The following IGSF9B variants were observed in gnomAD, a reference collection of about 807,000 sequenced individuals.
IGSF9B encodes the protein protein turtle homolog B.
IGSF9B carries 48 observed loss-of-function variants against 143.7 expected under a neutral mutation model. The ratio of observed to expected loss-of-function variants is 0.33; its 90% confidence interval spans 0.26 to 0.42. The LOEUF (loss-of-function observed/expected upper bound fraction) is 0.42. IGSF9B is among the 20% of genes least tolerant of loss of function. IGSF9B has a pLI of 1.00. For missense variants in IGSF9B, 1,706 were observed against 1,980.0 expected (o/e 0.86, Z 2.63); for synonymous variants, 903 against 833.1 (o/e 1.08, Z -1.44).
rs578229771 is a variant in IGSF9B at position 133,948,370 on chromosome 11, T to C, written c.65-2112A>G. Among the ~76,000 whole-genome samples the C allele has an allele frequency of 2.6e-5, 4 of 152,202 alleles. No homozygotes were observed. Among genetic ancestry groups the C allele is most frequent in the Admixed American group, 2.6e-4 (4 of 15,296 alleles). ...AGTATTTTTGGAGCAGAGCAGAGCA[T>C]TGCACTCACCTGCCTGAGGCCCCAG... On this transcript the variant is annotated intron_variant, in intron 1 of 19. Coordinates refer to ENST00000533871, the MANE Select transcript of IGSF9B (RefSeq NM_001277285.4). This position sits in a 1 kb window ranked among gnomAD's most constrained non-coding sequence, Gnocchi z 4.7.
Position 133,936,207 on chromosome 11 carries a change from G to C in IGSF9B, c.680-13C>G. 1 of 1,604,402 alleles carries C rather than the reference G, an allele frequency of 6.2e-7. No homozygotes were observed. The highest frequency in any genetic ancestry group is 8.5e-7 in the Non-Finnish European group (1 of 1,175,792). On this transcript the variant is annotated splice_polypyrimidine_tract_variant and intron_variant, in intron 5 of 19. Coordinates refer to ENST00000533871, the MANE Select transcript of IGSF9B (RefSeq NM_001277285.4). ...ATGAAAGGGGGCCCTGGGGAGAGCA[G>C]GGAACAAACCCCACCTCGCCTGATC...
chr11:133,952,102 C>T (rs1219374988), intron 1 of IGSF9B: 3 of 453,354 alleles, frequency 6.6e-6, no homozygotes, highest in Non-Finnish European at 1.3e-5. Context: ...CTGGCGCACT[C>T]GGACTCTTTC....
chr11:133,929,920 C>T (rs1040819583), intron 11 of IGSF9B, 138 bp from the exon 12 acceptor site: 19 of 619,006 alleles, frequency 3.1e-5, no homozygotes, highest in Admixed American at 1.9e-4. Flanking sequence ...GGGATGGGGG[C>T]GACGGGGATG....
intron 19 of IGSF9B, among the ~76,000 whole-genome samples, chr11:133,911,098 T>G (rs1939294909): frequency 6.6e-6 from 1 of 152,192 alleles, no homozygotes; most frequent in South Asian, 2.1e-4. Flanking sequence ...TCTACAACAG[T>G]TATCAAAGCT....
At chr11:133,914,712 A>G (rs954288451) in intron 18 of IGSF9B, among the ~76,000 whole-genome samples, 3 of 152,198 alleles carry the variant, frequency 2.0e-5, no homozygotes, top group African/African-American at 7.2e-5. Flanking sequence ...GTGGGAGGAA[A>G]AAACAAAAGC....
intron 18 of IGSF9B, chr11:133,912,391 G>A (rs899759282): frequency 8.6e-6 from 4 of 464,298 alleles, no homozygotes; most frequent in Admixed American, 4.7e-5. Flanking sequence ...CAAGACCTTT[G>A]AATGGAAAGT....
rs117532635 is a variant in IGSF9B, at chr11:133,929,867, G to A, written c.1520-85C>T. 5.4e-3 allele frequency: 4,674 copies of A among 868,622 alleles called. 12 individuals are homozygous for A. Among genetic ancestry groups the A allele is most frequent in the Non-Finnish European group, 7.3e-3 (3,796 of 522,946 alleles). The allele number at this position is 868,622 out of a possible 1,614,324, so 53.8% of individuals were successfully genotyped here. On this transcript the variant is annotated intron_variant, in intron 11 of 19. Transcript: ENST00000533871. ...CACCGTCTGGCTGTGGGGAACCTGA[G>A]AGGCTGAAGCGCATGGCAGCGGAGC...
At chr11:133,918,474 G>T (rs903102065) in intron 18 of IGSF9B, among the ~76,000 whole-genome samples, 2 of 152,126 alleles carry the variant, frequency 1.3e-5, no homozygotes, top group African/African-American at 4.8e-5. Flanking sequence ...GGAAGCAGAT[G>T]AGCTGAGCGC....
At chr11:133,947,449 G>A (rs1310324406) in intron 1 of IGSF9B, among the ~76,000 whole-genome samples, 1 of 152,196 alleles carries the variant, frequency 6.6e-6, no homozygotes, top group East Asian at 1.9e-4. Flanking sequence ...ACTCTCCAGG[G>A]CAGCACCTAG....
chr11:133,953,059 G>A lies in IGSF9B; in HGVS notation c.64+3632C>T, dbSNP rs1246094793. Among the ~76,000 whole-genome samples, 7 of 152,148 alleles carry A rather than the reference G, an allele frequency of 4.6e-5. No homozygotes were observed. The highest frequency in any genetic ancestry group is 1.7e-4 in the African/African-American group (7 of 41,436). ...TCTTGAAGCACCCAGCAGGGCTGAGGAAGAGAGGGCCAAGGAAGAAGACAC... is the reference window on the plus strand; with the variant it reads ...TCTTGAAGCACCCAGCAGGGCTGAGAAAGAGAGGGCCAAGGAAGAAGACAC... On this transcript the variant is annotated intron_variant, in intron 1 of 19. Transcript: ENST00000533871. This position sits in a 1 kb window ranked among gnomAD's most constrained non-coding sequence, Gnocchi z 4.2.
rs764502320 is a variant in IGSF9B, at chr11:133,937,435, G to A, written c.620C>T (p.Thr207Ile). 1.9e-6 allele frequency: 3 copies of A among 1,613,728 alleles called. No individual in the cohort carries two copies. The highest frequency in any genetic ancestry group is 4.5e-5 in the East Asian group (2 of 44,896). The stretch of plus-strand genomic sequence containing the variant: ...CCCCTGAATGCTGTACGCTCGGCAG[G>A]TGTAGGCACCTCTGTCCTCCCGACT... The part of the protein sequence containing the change: ...SVSREDRGAY[T>I]CRAYSIQGEA... Residue 207 changes from threonine to isoleucine, a missense_variant, in exon 5 of 20, where the codon ACC (threonine) becomes ATC (isoleucine). Physicochemically the swap from Thr to Ile is moderately conservative, Grantham distance 89. Coordinates refer to ENST00000533871, the MANE Select transcript of IGSF9B (RefSeq NM_001277285.4).
Position 133,908,259 on chromosome 11 carries a change from G to A in IGSF9B, c.*810C>T, listed in dbSNP as rs574341192. Among the ~76,000 whole-genome samples, 3 of 152,298 alleles carry A rather than the reference G, an allele frequency of 2.0e-5. No homozygotes were observed. The highest frequency in any genetic ancestry group is 1.3e-4 in the Admixed American group (2 of 15,306). ...AGAAAGATGCAGGTCTAGGAGCCTG[G>A]CCACCCCTTCTTCACCCAGGAACCA... On this transcript the variant is annotated 3_prime_UTR_variant, in exon 20 of 20. Transcript: ENST00000533871.
intron 18 of IGSF9B, among the ~76,000 whole-genome samples, chr11:133,917,267 C>A (rs1043065814): frequency 6.6e-6 from 1 of 152,162 alleles, no homozygotes; most frequent in East Asian, 1.9e-4. Flanking sequence ...TGAGAGGGAG[C>A]GAGCTTCGGG....
chr11:133,915,886 C>T (rs976897374), intron 18 of IGSF9B, among the ~76,000 whole-genome samples: 3 of 152,180 alleles, frequency 2.0e-5, no homozygotes, highest in Non-Finnish European at 4.4e-5. Flanking sequence ...CACTCATAGA[C>T]GGGCCATAGC....
rs1272188637 is a variant in IGSF9B at position 133,899,447 on chromosome 11, C to T, written c.*9622G>A. 1 of 152,358 alleles carries T rather than the reference C, an allele frequency of 6.6e-6. No individual in the cohort carries two copies. The highest frequency in any genetic ancestry group is 1.5e-5 in the Non-Finnish European group (1 of 68,116). The allele number at this position is 152,358 out of a possible 1,614,324, so 9.4% of individuals were successfully genotyped here. A position where few individuals can be genotyped will look rare whatever the true frequency, so the allele number is the denominator to read the frequency against. The stretch of plus-strand genomic sequence containing the variant: ...GGAGCAGAAAGGTCACAGGTAGGCA[C>T]TAACATCCCCTCCACACTGTACAAT... On this transcript the variant is annotated 3_prime_UTR_variant, in exon 20 of 20. Transcript: ENST00000533871.
chr11:133,930,768 ACCTC>A (rs1939708505), intron 11 of IGSF9B, among the ~76,000 whole-genome samples: 1 of 151,992 alleles, frequency 6.6e-6, no homozygotes, highest in Admixed American at 6.6e-5. Context: ...CCCCAGAAAG[ACCTC>A]CCTGAGGACA....
chr11:133,952,517 C>T (rs766942566), intron 1 of IGSF9B, among the ~76,000 whole-genome samples: 4 of 152,236 alleles, frequency 2.6e-5, no homozygotes, highest in Non-Finnish European at 4.4e-5. Flanking sequence ...AACTTCCCCA[C>T]CCTGCCACTC....
intron 1 of IGSF9B, among the ~76,000 whole-genome samples, chr11:133,955,314 C>T (rs1481516746): frequency 6.6e-6 from 1 of 152,212 alleles, no homozygotes; most frequent in Non-Finnish European, 1.5e-5. Context: ...TAAAACCGTC[C>T]GGACCAACAT....
chr11:133,945,575 G>C lies in IGSF9B; in HGVS notation c.262+486C>G, dbSNP rs1940032096. Among the ~76,000 whole-genome samples the C allele has an allele frequency of 6.6e-6, 1 of 152,204 alleles. No individual in the cohort carries two copies. Among genetic ancestry groups the C allele is most frequent in the Non-Finnish European group, 1.5e-5 (1 of 68,046 alleles). On this transcript the variant is annotated intron_variant, in intron 2 of 19. Coordinates refer to ENST00000533871, the MANE Select transcript of IGSF9B (RefSeq NM_001277285.4). The surrounding 1 kb of genome is among the most constrained non-coding windows in gnomAD (Gnocchi z 4.6). ...AGGAGTAACTGCCAAACAGGACACA[G>C]ACGGGGCCAGGAGAAGGAGAGGACA...
Sources: gnomAD v4.1 joint callset for allele counts (sites outside exome capture counted in the v4.1 genomes callset) on GRCh38, gnomAD v4.1.1 for gene constraint, Gnocchi (gnomAD v3.1) non-coding constraint, MANE v1.5 for transcripts, NCBI Gene and HGNC (gene_info 2026-07-23, HGNC 2026-07-21) for gene names.